OPHN1: variants seen among roughly 807,000 people sequenced by gnomAD.
OPHN1 encodes the protein oligophrenin-1.
OPHN1 carries 11 observed loss-of-function variants against 60.7 expected under a neutral mutation model. That is an observed-to-expected ratio of 0.18 (90% CI 0.11 to 0.30). The LOEUF is 0.30. Among genes scored for constraint, OPHN1 ranks in the 10% least tolerant of loss-of-function variants. OPHN1 has a pLI of 1.00. For synonymous variants in OPHN1, 226 were observed against 222.6 expected (o/e 1.02, Z -0.14); for missense variants, 449 against 611.0 (o/e 0.73, Z 2.80).
At chrX:68,084,195 G>C (rs2076986083) in intron 19 of OPHN1, among the ~76,000 whole-genome samples, 1 of 108,864 alleles carries the variant, frequency 9.2e-6, no homozygotes, top group African/African-American at 3.4e-5. Context: ...TATACCTGAT[G>C]TAAAGAACCT....
chrX:68,404,153 G>A (rs1172823082), intron 2 of OPHN1, among the ~76,000 whole-genome samples: 1 of 108,927 alleles, frequency 9.2e-6, no homozygotes, highest in East Asian at 2.9e-4. Context: ...CAGTATGGTG[G>A]TTCCTAAAAA....
At chrX:68,213,995 ATT>A in intron 6 of OPHN1, 23 bp from the exon 7 acceptor site, 2 of 897,978 alleles carry the variant, frequency 2.2e-6, no homozygotes, top group South Asian at 4.1e-5. Context: ...GAAAACAAAC[ATT>A]ACATATTGGG....
chrX:68,220,561 C>G, intron 6 of OPHN1, among the ~76,000 whole-genome samples: 1 of 91,413 alleles, frequency 1.1e-5, no homozygotes, highest in Non-Finnish European at 2.2e-5. Context: ...AATCCAGCAG[C>G]ACATCAAAAA....
At chrX:68,395,448 CTT>C (rs1267290343) in intron 2 of OPHN1, among the ~76,000 whole-genome samples, 1 of 99,940 alleles carries the variant, frequency 1.0e-5, no homozygotes, top group Non-Finnish European at 2.0e-5. Flanking sequence ...TTCTCTCTCT[CTT>C]TTTTTTTTTT....
intron 2 of OPHN1, among the ~76,000 whole-genome samples, chrX:68,363,627 A>G (rs1311680953): frequency 1.8e-5 from 2 of 111,782 alleles, no homozygotes; most frequent in South Asian, 3.7e-4. Flanking sequence ...CTTTTTTAAA[A>G]AAGACAGTTT....
intron 5 of OPHN1, among the ~76,000 whole-genome samples, chrX:68,253,831 C>G (rs1411582654): frequency 9.0e-6 from 1 of 111,671 alleles, no homozygotes; most frequent in Non-Finnish European, 1.9e-5. Flanking sequence ...TGTTATCAGT[C>G]TTGCCCGTAG....
intron 2 of OPHN1, among the ~76,000 whole-genome samples, chrX:68,387,458 T>C (rs1297469615): frequency 9.0e-6 from 1 of 111,447 alleles, no homozygotes; most frequent in East Asian, 2.8e-4. Flanking sequence ...AAATACAAAC[T>C]ATATGATACT....
chrX:68,350,497 T>C (rs2078404224), intron 2 of OPHN1, among the ~76,000 whole-genome samples: 1 of 77,969 alleles, frequency 1.3e-5, no homozygotes, highest in African/African-American at 4.8e-5. Context: ...CCTCCCTTCC[T>C]CCTTTCCTTC....
chrX:68,418,948 A>G (rs1050928084), intron 2 of OPHN1, among the ~76,000 whole-genome samples: 2 of 110,777 alleles, frequency 1.8e-5, no homozygotes, highest in African/African-American at 6.6e-5. Flanking sequence ...AACTGGTTCC[A>G]AGCAAGATAG....
intron 18 of OPHN1, among the ~76,000 whole-genome samples, chrX:68,102,973 C>G (rs1312817277): frequency 8.9e-6 from 1 of 111,819 alleles, no homozygotes; most frequent in Non-Finnish European, 1.9e-5. Flanking sequence ...ACCATTCCTT[C>G]CAAAACTATT....
chrX:68,201,051 C>T (rs1468954603), intron 11 of OPHN1, among the ~76,000 whole-genome samples: 1 of 111,632 alleles, frequency 9.0e-6, no homozygotes, highest in Non-Finnish European at 1.9e-5. Context: ...GAAACAAACA[C>T]AACGAAGTCC....
At chrX:68,190,976 T>C (rs1476452971) in intron 15 of OPHN1, among the ~76,000 whole-genome samples, 2 of 112,143 alleles carry the variant, frequency 1.8e-5, no homozygotes, top group African/African-American at 3.2e-5. Flanking sequence ...ACACCTGCTA[T>C]GACTGAGTGC....
At chrX:68,205,398 A>T (rs756506065) in intron 10 of OPHN1, among the ~76,000 whole-genome samples, 29 of 111,157 alleles carry the variant, frequency 2.6e-4, no homozygotes, top group African/African-American at 9.5e-4. Flanking sequence ...CTGTGAGCCG[A>T]GATTGTGCCA....
At chrX:68,345,170 G>C (rs1316478858) in intron 2 of OPHN1, among the ~76,000 whole-genome samples, 1 of 112,256 alleles carries the variant, frequency 8.9e-6, no homozygotes, top group South Asian at 3.6e-4. Flanking sequence ...ACTTGAGAGA[G>C]ATCACACAGC....
intron 2 of OPHN1, among the ~76,000 whole-genome samples, chrX:68,321,269 A>AAAAG (rs2078233884): frequency 9.0e-6 from 1 of 111,606 alleles, no homozygotes; most frequent in Non-Finnish European, 1.9e-5. Flanking sequence ...TTAGCATACA[A>AAAAG]AAAGACATCA....
chrX:68,347,002 C>G (rs1410882893), intron 2 of OPHN1, among the ~76,000 whole-genome samples: 13 of 111,865 alleles, frequency 1.2e-4, no homozygotes, highest in Non-Finnish European at 2.3e-4. Flanking sequence ...TTTTGTGGAC[C>G]CCTTCCCATT....
At chrX:68,234,112 A>AG (rs2077741505) in intron 6 of OPHN1, among the ~76,000 whole-genome samples, 1 of 106,764 alleles carries the variant, frequency 9.4e-6, no homozygotes, top group African/African-American at 3.4e-5. Flanking sequence ...AAAAAAAAAA[A>AG]GGTTGTGGAA....
intron 2 of OPHN1, among the ~76,000 whole-genome samples, chrX:68,331,703 C>A (rs1343256788): frequency 5.9e-5 from 6 of 101,831 alleles, no homozygotes; most frequent in African/African-American, 2.2e-4. Flanking sequence ...TGCATTCCAG[C>A]CTGGGTGACA....
chrX:68,423,808 T>G (rs1428193160), intron 2 of OPHN1, among the ~76,000 whole-genome samples: 1 of 112,138 alleles, frequency 8.9e-6, no homozygotes, highest in Admixed American at 9.5e-5. Context: ...ATACTACCTT[T>G]TATTTATCCA....
Sources: allele counts gnomAD v4.1 joint callset (sites outside exome capture counted in the v4.1 genomes callset), GRCh38; gene constraint gnomAD v4.1.1; transcripts MANE v1.5; gene names NCBI Gene and HGNC (gene_info 2026-07-23, HGNC 2026-07-21).